The following ZNF438 variants were observed in gnomAD, a reference collection of about 807,000 sequenced individuals.
ZNF438 encodes zinc finger protein 438.
A neutral mutation model predicts 38.0 loss-of-function variants in ZNF438; 25 were observed. That is an observed-to-expected ratio of 0.66 (90% CI 0.48 to 0.92). The LOEUF (loss-of-function observed/expected upper bound fraction) is 0.92. Ranked by LOEUF, ZNF438 falls within the 40% of genes least tolerant of loss-of-function variation. The pLI, the probability that ZNF438 is intolerant of heterozygous loss-of-function variation, is 0.00. For synonymous variants in ZNF438, 372 were observed against 364.1 expected, an observed-to-expected ratio of 1.02 and a Z score of -0.25; for missense variants, 1,007 against 999.6, an observed-to-expected ratio of 1.01 and a Z score of -0.10.
chr10:30,958,308 G>A (rs1438954638), intron 1 of ZNF438, among the ~76,000 whole-genome samples: 1 of 146,818 alleles, frequency 6.8e-6, no homozygotes, highest in Non-Finnish European at 1.5e-5. Context: ...TGATTACACT[G>A]CACTATAACA....
chr10:30,859,891 GAAGGA>G (rs1462994660), intron 4 of ZNF438, among the ~76,000 whole-genome samples: 2 of 152,130 alleles, frequency 1.3e-5, no homozygotes, highest in Non-Finnish European at 2.9e-5. Context: ...AAACGTAAAT[GAAGGA>G]AAGAGAAAAG....
chr10:30,905,907 T>C (rs1475545745), intron 3 of ZNF438, among the ~76,000 whole-genome samples: 1 of 152,244 alleles, frequency 6.6e-6, no homozygotes, highest in African/African-American at 2.4e-5. Flanking sequence ...CCCTTAATTC[T>C]ATTCCATTGA....
intron 3 of ZNF438, among the ~76,000 whole-genome samples, chr10:30,881,953 ACTT>A (rs1456220333): frequency 6.6e-6 from 1 of 152,162 alleles, no homozygotes. Context: ...AAAACACAAA[ACTT>A]CTGAAATATA....
chr10:30,979,319 C>T (rs144623040), intron 1 of ZNF438, among the ~76,000 whole-genome samples: 81 of 152,226 alleles, frequency 5.3e-4, no homozygotes, highest in Non-Finnish European at 6.9e-4. Context: ...ACCAATATCA[C>T]GGAAATGGCC....
chr10:30,846,623 G>T (rs1258874997), intron 5 of ZNF438, among the ~76,000 whole-genome samples: 1 of 152,214 alleles, frequency 6.6e-6, no homozygotes, highest in African/African-American at 2.4e-5. Flanking sequence ...GACGGTGTGG[G>T]AGCTTACCAG....
At chr10:30,899,700 ACT>A (rs2041767788) in intron 3 of ZNF438, among the ~76,000 whole-genome samples, 1 of 151,608 alleles carries the variant, frequency 6.6e-6, no homozygotes, top group African/African-American at 2.4e-5. Flanking sequence ...TGTTTTGACA[ACT>A]CTTAGACTAA....
intron 5 of ZNF438, among the ~76,000 whole-genome samples, chr10:30,847,334 G>A (rs2032424917): frequency 6.6e-6 from 1 of 152,158 alleles, no homozygotes; most frequent in Non-Finnish European, 1.5e-5. Context: ...AAGAGACAAT[G>A]GGACGACCAG....
In ZNF438 at chr10:31,007,235, A is replaced by G. The variant is rs191472960; in HGVS notation, c.-192+24598T>C. 1.3e-4 allele frequency among the ~76,000 whole-genome samples: 19 copies of G among 151,850 alleles called. No individual in the cohort carries two copies. The Middle Eastern group carries it at 0.017, about 138-fold the overall frequency. ...GCTCCTGACTTCCAGAATGTAAGAT[A>G]AGAAATTTGTGTTGTTTTAAGTCAC... On this transcript the variant is annotated intron_variant, in intron 1 of 5. Coordinates refer to ENST00000413025, the Ensembl canonical transcript of ZNF438.
At chr10:30,926,803 T>C (rs1218581182) in intron 2 of ZNF438, among the ~76,000 whole-genome samples, 1 of 152,100 alleles carries the variant, frequency 6.6e-6, no homozygotes, top group African/African-American at 2.4e-5. Flanking sequence ...CCTAGGATTA[T>C]AAGAGCTGAC....
At chr10:30,874,509 A>AAATTAATATT (rs2038106457) in intron 4 of ZNF438, among the ~76,000 whole-genome samples, 1 of 151,908 alleles carries the variant, frequency 6.6e-6, no homozygotes, top group Non-Finnish European at 1.5e-5. Flanking sequence ...TTTTGTTAAA[A>AAATTAATATT]AATATTAATA....
intron 3 of ZNF438, among the ~76,000 whole-genome samples, chr10:30,904,939 TACC>T (rs2042425427): frequency 6.6e-6 from 1 of 152,200 alleles, no homozygotes; most frequent in Non-Finnish European, 1.5e-5. Flanking sequence ...TGATGGTACT[TACC>T]ACAATTGTAA....
chr10:31,016,993 C>T (rs1370093455), intron 1 of ZNF438, among the ~76,000 whole-genome samples: 1 of 152,314 alleles, frequency 6.6e-6, no homozygotes, highest in African/African-American at 2.4e-5. Context: ...CATTCACATC[C>T]GTGTAGCTCC....
intron 3 of ZNF438, among the ~76,000 whole-genome samples, chr10:30,889,297 C>T (rs2040376405): frequency 6.6e-6 from 1 of 152,142 alleles, no homozygotes; most frequent in South Asian, 2.1e-4. Context: ...ATTCTTAATG[C>T]TTATATTGAT....
chr10:30,974,150 T>C (rs1253226547), intron 1 of ZNF438, among the ~76,000 whole-genome samples: 3 of 152,162 alleles, frequency 2.0e-5, no homozygotes, highest in African/African-American at 7.2e-5. Flanking sequence ...TCTAGATAAA[T>C]AGTTCTGTCA....
At chr10:30,871,742 T>A in intron 4 of ZNF438, among the ~76,000 whole-genome samples, 1 of 152,126 alleles carries the variant, frequency 6.6e-6, no homozygotes, top group East Asian at 1.9e-4. Context: ...TAGGGGTTTT[T>A]AAAAAAGATT....
chr10:30,920,565 C>T (rs2044176371), intron 2 of ZNF438: 2 of 152,142 alleles, frequency 1.3e-5, no homozygotes, highest in Non-Finnish European at 2.9e-5. Flanking sequence ...TACAGCTTCG[C>T]CATCCTCATT....
At position 30,849,383 on chromosome 10, in the gene ZNF438, T is replaced by A. The variant is rs778072620; in HGVS notation, c.1022A>T (p.Lys341Met). 9 of 1,614,150 alleles carry A rather than the reference T, an allele frequency of 5.6e-6. No individual in the cohort carries two copies. In the Admixed American group the frequency reaches 1.5e-4, roughly 27 times the overall value. ...TGGAACAGGTAGCCTGCTTGCCACC[T>A]TGGTGGCTGCATTAAAGCCTTCTGT... The change falls in exon 5 of 6, where the codon AAG (lysine) becomes ATG (methionine). Residue 341 changes from lysine (K) to methionine (M), a missense_variant. Physicochemically the swap from Lys to Met is moderately conservative, Grantham distance 95. Coordinates refer to ENST00000413025, the Ensembl canonical transcript of ZNF438.
intron 1 of ZNF438, among the ~76,000 whole-genome samples, chr10:30,980,223 G>C (rs1336732792): frequency 7.0e-6 from 1 of 142,602 alleles, no homozygotes; most frequent in Non-Finnish European, 1.5e-5. Context: ...GAAGGGTTCT[G>C]AACAGAGGAA....
intron 2 of ZNF438, among the ~76,000 whole-genome samples, chr10:30,926,222 T>C (rs561313838): frequency 1.3e-5 from 2 of 152,290 alleles, no homozygotes; most frequent in South Asian, 4.1e-4. Flanking sequence ...ATGTACATAA[T>C]TGTCAAAACT....
Sources: allele counts gnomAD v4.1 joint callset (sites outside exome capture counted in the v4.1 genomes callset), GRCh38; gene constraint gnomAD v4.1.1; transcripts MANE v1.5; gene names NCBI Gene and HGNC (gene_info 2026-07-23, HGNC 2026-07-21).